The following PHACTR2 variants were observed in gnomAD, a reference collection of about 807,000 sequenced individuals.
PHACTR2 encodes the protein phosphatase and actin regulator 2.
A neutral mutation model predicts 76.0 loss-of-function variants in PHACTR2; 30 were observed. The ratio of observed to expected loss-of-function variants is 0.39; its 90% CI spans 0.30 to 0.54. The LOEUF is 0.54. PHACTR2 is among the 20% of genes least tolerant of loss of function. PHACTR2 has a pLI of 0.61. For missense variants in PHACTR2, 696 were observed against 781.1 expected (o/e 0.89, Z 1.30); for synonymous variants, 292 against 292.5 (o/e 1.00, Z 0.02).
intron 12 of PHACTR2, among the ~76,000 whole-genome samples, chr6:143,812,213 G>A (rs1042722911): frequency 6.6e-6 from 1 of 152,162 alleles, no homozygotes; most frequent in Non-Finnish European, 1.5e-5. Flanking sequence ...TCTCCGGAGA[G>A]AGACACAAGC....
chr6:143,586,019 T>C (rs905781060), intron 1 of PHACTR2, among the ~76,000 whole-genome samples: 5 of 152,250 alleles, frequency 3.3e-5, no homozygotes, highest in African/African-American at 1.2e-4. Context: ...GAGAAGTTTT[T>C]ATCTTAGCAA....
intron 11 of PHACTR2, among the ~76,000 whole-genome samples, chr6:143,798,330 C>A (rs183841153): frequency 2.0e-5 from 3 of 152,334 alleles, no homozygotes; most frequent in Admixed American, 6.5e-5. Context: ...AATATACAGT[C>A]ATGTCGTCTG....
In PHACTR2 at chr6:143,774,639, C is replaced by T. The variant is rs1056299053; in HGVS notation, c.1589+424C>T. On this transcript the variant is annotated intron_variant, in intron 8 of 12. Coordinates refer to ENST00000440869, the MANE Select transcript of PHACTR2 (RefSeq NM_001100164.2). This position sits in a 1 kb window ranked among gnomAD's most constrained non-coding sequence, Gnocchi z 5.4. ...TGCAGATCACAGTTTGCTCAACAAT[C>T]CTGGCCTAATTTATGGACTCACTAG... Among the ~76,000 whole-genome samples the T allele has an allele frequency of 6.6e-6, 1 of 152,182 alleles. No individual in the cohort carries two copies. The highest frequency in any genetic ancestry group is 1.5e-5 in the Non-Finnish European group (1 of 68,040).
chr6:143,567,076 C>T (rs1376509005), intron 1 of PHACTR2, among the ~76,000 whole-genome samples: 4 of 152,150 alleles, frequency 2.6e-5, no homozygotes, highest in Admixed American at 2.6e-4. Flanking sequence ...ATCTACACGT[C>T]GCGCTCCTTT....
In PHACTR2 at chr6:143,696,470, G is replaced by T. The variant is rs1433548548; in HGVS notation, c.47-15546G>T. Among the ~76,000 whole-genome samples, 1 of 151,934 alleles carries T rather than the reference G, an allele frequency of 6.6e-6. No homozygotes were observed. The highest frequency in any genetic ancestry group is 2.4e-5 in the African/African-American group (1 of 41,342). On this transcript the variant is annotated intron_variant, in intron 1 of 12. Coordinates refer to ENST00000440869, the MANE Select transcript of PHACTR2 (RefSeq NM_001100164.2). The surrounding 1 kb of genome is among the most constrained non-coding windows in gnomAD (Gnocchi z 4.1). ...ACCTCTTATCAGCCTTTTTCCACTTGCTTACATGTATTATCTCTATTAACA... is the reference window on the plus strand; with the variant it reads ...ACCTCTTATCAGCCTTTTTCCACTTTCTTACATGTATTATCTCTATTAACA...
chr6:143,632,928 G>A (rs946143827), intron 1 of PHACTR2, among the ~76,000 whole-genome samples: 3 of 152,082 alleles, frequency 2.0e-5, no homozygotes, highest in African/African-American at 7.2e-5. Flanking sequence ...GTCTTTTCAC[G>A]TCTTGATAGC....
intron 1 of PHACTR2, among the ~76,000 whole-genome samples, chr6:143,640,121 T>C (rs1776538965): frequency 6.6e-6 from 1 of 152,264 alleles, no homozygotes; most frequent in Non-Finnish European, 1.5e-5. Flanking sequence ...GTGCTGATGC[T>C]GGTGTAAACA....
rs1776415748 is a variant in PHACTR2, at chr6:143,821,473, A to G, written c.1923-2201A>G. Among the ~76,000 whole-genome samples, 1 of 152,242 alleles carries G rather than the reference A, an allele frequency of 6.6e-6. No individual in the cohort carries two copies. The highest frequency in any genetic ancestry group is 2.4e-5 in the African/African-American group (1 of 41,466). On this transcript the variant is annotated intron_variant, in intron 12 of 12. Coordinates refer to ENST00000440869, the MANE Select transcript of PHACTR2 (RefSeq NM_001100164.2). This position sits in a 1 kb window ranked among gnomAD's most constrained non-coding sequence, Gnocchi z 5.2. ...GTGCCGGAGATTGTATTCAATGAGT[A>G]TGTAAAAATGGATAAGAAAGTTTCC...
At position 143,739,664 on chromosome 6, in the gene PHACTR2, C is replaced by T. The variant is rs566630591; in HGVS notation, c.215-9321C>T. On this transcript the variant is annotated intron_variant, in intron 2 of 12. Transcript: ENST00000440869. This position sits in a 1 kb window ranked among gnomAD's most constrained non-coding sequence, Gnocchi z 4.3. ...GTGTTACACGTAGCACTCAAATCTT[C>T]GCTTCTAATTACTCTCCTGAGATTG... Among the ~76,000 whole-genome samples the T allele has an allele frequency of 7.2e-5, 11 of 152,176 alleles. No individual in the cohort carries two copies. Among genetic ancestry groups the T allele is most frequent in the Non-Finnish European group, 1.2e-4 (8 of 68,030 alleles).
chr6:143,765,619 C>T lies in PHACTR2; in HGVS notation c.1053C>T (p.Leu351=). The part of the protein sequence containing the change: ...APAPSPLAPP[L]PLEDQCITAS... ...CACCTTCTCCTCTGGCCCCCCCTCT[C>T]CCTCTTGAGGATCAGTGCATTACTG... The change falls in exon 6 of 13, where the codon CTC becomes CTT. Residue 351 remains leucine (L), a synonymous_variant. Coordinates refer to ENST00000440869, the MANE Select transcript of PHACTR2 (RefSeq NM_001100164.2). This position sits in a 1 kb window ranked among gnomAD's most constrained non-coding sequence, Gnocchi z 4.1. The T allele has an allele frequency of 6.2e-7, 1 of 1,614,194 alleles. No individual in the cohort carries two copies.
At position 143,722,642 on chromosome 6, in the gene PHACTR2, A is replaced by AGGG. The variant is rs1778468703; in HGVS notation, c.214+10460_214+10461insGGG. On this transcript the variant is annotated intron_variant, in intron 2 of 12. Coordinates refer to ENST00000440869, the MANE Select transcript of PHACTR2 (RefSeq NM_001100164.2). The surrounding 1 kb of genome is among the most constrained non-coding windows in gnomAD (Gnocchi z 4.1). Reference sequence around the variant, plus strand: ...AGAAATAGTCCAGTTCCACTCTTTTAGTTATTTTGAGATATACAATATTGT... The same window carrying AGGG: ...AGAAATAGTCCAGTTCCACTCTTTTAGGGGTTATTTTGAGATATACAATATTGT... 9.2e-5 allele frequency among the ~76,000 whole-genome samples: 14 copies of AGGG among 152,104 alleles called. No homozygotes were observed. Among genetic ancestry groups the AGGG allele is most frequent in the Non-Finnish European group, 1.6e-4 (11 of 68,006 alleles).
intron 1 of PHACTR2, among the ~76,000 whole-genome samples, chr6:143,687,491 T>C (rs1777551020): frequency 6.6e-6 from 1 of 152,170 alleles, no homozygotes; most frequent in African/African-American, 2.4e-5. Flanking sequence ...GCAAAAGTGA[T>C]ATTAAGGATA....
chr6:143,544,563 G>A (rs572682342), intron 1 of PHACTR2, among the ~76,000 whole-genome samples: 1 of 152,164 alleles, frequency 6.6e-6, no homozygotes, highest in Non-Finnish European at 1.5e-5. Context: ...ATTATTGTGA[G>A]GCTGAAATGT....
Position 143,537,672 on chromosome 6 carries a change from A to C in PHACTR2, c.217+465A>C, listed in dbSNP as rs1337833531. ...CCAACTAACTGCTTATGGTTCTGAA[A>C]TAAAGACGCCTTTTGCGGGTTGCTG... is the stretch of plus-strand genomic sequence containing the variant. On this transcript the variant is annotated intron_variant, in intron 1 of 11. Transcript: ENST00000367584. The surrounding 1 kb of genome is among the most constrained non-coding windows in gnomAD (Gnocchi z 4.4). Among the ~76,000 whole-genome samples the C allele has an allele frequency of 1.3e-5, 2 of 152,192 alleles. No individual in the cohort carries two copies. The highest frequency in any genetic ancestry group is 4.8e-5 in the African/African-American group (2 of 41,446).
intron 1 of PHACTR2, among the ~76,000 whole-genome samples, chr6:143,584,144 T>G (rs1775600682): frequency 6.6e-6 from 1 of 152,222 alleles, no homozygotes; most frequent in South Asian, 2.1e-4. Context: ...CACCACCTCC[T>G]GTGAGATACA....
intron 1 of PHACTR2, among the ~76,000 whole-genome samples, chr6:143,567,852 G>A (rs1273915083): frequency 6.6e-6 from 1 of 152,216 alleles, no homozygotes; most frequent in African/African-American, 2.4e-5. Context: ...AGTATGCTCT[G>A]AGATTTGGGA....
rs1779278540 is a variant in PHACTR2 at position 143,755,523 on chromosome 6, TTGAAAGAAGATAGCAGACCTTA to T, written c.454+1614_454+1635del. Reference sequence around the variant, plus strand: ...AATTAACCAACAGACCTTGATGTTCTTGAAAGAAGATAGCAGACCTTATGGGTCCATGAATAGTTGAGAGATG... The same window carrying T: ...AATTAACCAACAGACCTTGATGTTCTTGGGTCCATGAATAGTTGAGAGATG... On this transcript the variant is annotated intron_variant, in intron 4 of 12. Coordinates refer to ENST00000440869, the MANE Select transcript of PHACTR2 (RefSeq NM_001100164.2). The surrounding 1 kb of genome is among the most constrained non-coding windows in gnomAD (Gnocchi z 5.2). 2 of 359,822 alleles carry T rather than the reference TTGAAAGAAGATAGCAGACCTTA, an allele frequency of 5.6e-6. No homozygotes were observed. The highest frequency in any genetic ancestry group is 7.4e-5 in the Admixed American group (2 of 27,116). The allele number at this position is 359,822 out of a possible 1,614,324, so 22.3% of individuals were successfully genotyped here. A position where few individuals can be genotyped will look rare whatever the true frequency, so the allele number is the denominator to read the frequency against.
At chr6:143,594,300 C>T (rs150900430) in intron 1 of PHACTR2, among the ~76,000 whole-genome samples, 9 of 152,316 alleles carry the variant, frequency 5.9e-5, no homozygotes, top group Admixed American at 2.6e-4. Context: ...TCGACCTGTA[C>T]TATGAATGAA....
chr6:143,751,084 G>T lies in PHACTR2; in HGVS notation c.295+2019G>T, dbSNP rs974208169. Among the ~76,000 whole-genome samples, 1 of 152,146 alleles carries T rather than the reference G, an allele frequency of 6.6e-6. No homozygotes were observed. Among genetic ancestry groups the T allele is most frequent in the Non-Finnish European group, 1.5e-5 (1 of 68,030 alleles). On this transcript the variant is annotated intron_variant, in intron 3 of 12. Coordinates refer to ENST00000440869, the MANE Select transcript of PHACTR2 (RefSeq NM_001100164.2). This position sits in a 1 kb window ranked among gnomAD's most constrained non-coding sequence, Gnocchi z 5.7. The stretch of plus-strand genomic sequence containing the variant: ...GAGAGACTAGAAGCTGCTGTTCTTG[G>T]TAACAACCTCCTTTCTGCTGCCAGT...
Sources: allele counts gnomAD v4.1 joint callset (sites outside exome capture counted in the v4.1 genomes callset), GRCh38; gene constraint gnomAD v4.1.1; non-coding constraint Gnocchi (gnomAD v3.1); transcripts MANE v1.5; gene names NCBI Gene and HGNC (gene_info 2026-07-23, HGNC 2026-07-21).